Variants in ESR1 observed in about 807,000 individuals in gnomAD.
ESR1 encodes the protein estrogen receptor.
Under a neutral mutation model 52.7 loss-of-function variants are expected in ESR1, and 12 were observed. That is an observed-to-expected ratio of 0.23 (90% confidence interval 0.15 to 0.37). The LOEUF (loss-of-function observed/expected upper bound fraction) is 0.37, where lower values mean the gene tolerates loss of function less well. Ranked by LOEUF, ESR1 falls within the 10% of genes least tolerant of loss-of-function variation. The pLI is 1.00. For synonymous variants in ESR1, 305 were observed against 316.8 expected (o/e 0.96, Z 0.39); for missense variants, 584 against 779.7 (o/e 0.75, Z 2.99).
intron 5 of ESR1, among the ~76,000 whole-genome samples, chr6:152,012,634 C>T (rs1301858576): frequency 1.3e-5 from 2 of 152,182 alleles, no homozygotes; most frequent in Non-Finnish European, 1.5e-5. Flanking sequence ...CTCCGGTATG[C>T]TCTGTTACCT....
At chr6:152,054,330 T>C (rs181765384) in intron 5 of ESR1, among the ~76,000 whole-genome samples, 71 of 152,318 alleles carry the variant, frequency 4.7e-4, no homozygotes, top group African/African-American at 1.5e-3. Context: ...GAGGAGTCTT[T>C]AAATCCTTCC....
At chr6:151,716,257 G>A (rs1177957982) in intron 2 of ESR1, among the ~76,000 whole-genome samples, 1 of 152,152 alleles carries the variant, frequency 6.6e-6, no homozygotes, top group East Asian at 1.9e-4. Flanking sequence ...CCTGTATGAG[G>A]TGTCTGTCAA....
At chr6:151,745,609 G>T (rs994193047) in intron 2 of ESR1, among the ~76,000 whole-genome samples, 14 of 152,062 alleles carry the variant, frequency 9.2e-5, no homozygotes, top group Non-Finnish European at 1.5e-4. Flanking sequence ...CTAAGACTTT[G>T]TTGGTAAGTT....
chr6:152,076,538 G>T (rs1398206005), intron 6 of ESR1, among the ~76,000 whole-genome samples: 2 of 152,332 alleles, frequency 1.3e-5, no homozygotes, highest in African/African-American at 2.4e-5. Flanking sequence ...TCAGGGAGAG[G>T]TTGGAGCAGT....
At chr6:151,812,579 C>T (rs1291166762) in intron 1 of ESR1, among the ~76,000 whole-genome samples, 3 of 152,132 alleles carry the variant, frequency 2.0e-5, no homozygotes, top group African/African-American at 7.2e-5. Context: ...AATCCGTACT[C>T]AGCATGAAAT....
intron 6 of ESR1, among the ~76,000 whole-genome samples, chr6:152,086,731 C>G (rs774643173): frequency 1.3e-4 from 20 of 152,064 alleles, no homozygotes; most frequent in Non-Finnish European, 2.5e-4. Context: ...ACCAAATGAA[C>G]AGCACTGCCA....
chr6:151,814,108 C>T (rs1227580691), intron 1 of ESR1: 1 of 152,278 alleles, frequency 6.6e-6, no homozygotes, highest in Non-Finnish European at 1.5e-5. Flanking sequence ...GGGGCCCCAG[C>T]AGCCAACTTG....
chr6:152,087,069 G>A (rs893251625), intron 6 of ESR1, among the ~76,000 whole-genome samples: 5 of 152,128 alleles, frequency 3.3e-5, no homozygotes, highest in Non-Finnish European at 5.9e-5. Context: ...TTAATGTTGA[G>A]GGCTTTATCA....
chr6:152,035,756 A>C (rs2982710), intron 5 of ESR1, among the ~76,000 whole-genome samples: 66,824 of 151,950 alleles, frequency 0.44, 16,644 homozygotes, highest in African/African-American at 0.67. Context: ...CAGAAACCAA[A>C]CTCTACATTT....
intron 6 of ESR1, among the ~76,000 whole-genome samples, chr6:152,093,701 C>T (rs1486463300): frequency 1.3e-5 from 2 of 152,148 alleles, no homozygotes; most frequent in East Asian, 3.9e-4. Flanking sequence ...CAGCGGTTTT[C>T]AAGTGGCCTA....
At chr6:151,775,745 CAAAAA>C (rs397954103) in intron 2 of ESR1, among the ~76,000 whole-genome samples, 1 of 77,360 alleles carries the variant, frequency 1.3e-5, no homozygotes. Flanking sequence ...GACTCCGTCT[CAAAAA>C]AAAAAAAAAA....
intron 1 of ESR1, among the ~76,000 whole-genome samples, chr6:151,825,005 T>C (rs1781250106): frequency 2.0e-5 from 3 of 152,210 alleles, no homozygotes; most frequent in Non-Finnish European, 4.4e-5. Flanking sequence ...ATGAGTATTA[T>C]AAAAATAGCA....
chr6:152,053,556 CTT>C lies in ESR1; in HGVS notation c.1236-7433_1236-7432del, dbSNP rs1287704960. On this transcript the variant is annotated intron_variant, in intron 5 of 7. Transcript: ENST00000206249. The surrounding 1 kb of genome is among the most constrained non-coding windows in gnomAD (Gnocchi z 4.1). The stretch of plus-strand genomic sequence containing the variant: ...TCTCTTCCTCTCTCTCTTATCCTCT[CTT>C]TCTCTCAATCCCTCTCTCCCTCTTT... Among the ~76,000 whole-genome samples, 1 of 151,712 alleles carries C rather than the reference CTT, an allele frequency of 6.6e-6. No individual in the cohort carries two copies. Among genetic ancestry groups the C allele is most frequent in the African/African-American group, 2.4e-5 (1 of 41,276 alleles).
chr6:151,701,161 A>G (rs534680603), intron 1 of ESR1, among the ~76,000 whole-genome samples: 104 of 151,758 alleles, frequency 6.9e-4, no homozygotes, highest in Middle Eastern at 6.9e-3. Context: ...CAGCCACAGC[A>G]GGTTTTGTTC....
At chr6:151,945,659 C>T (rs1448621253) in intron 4 of ESR1, among the ~76,000 whole-genome samples, 1 of 152,178 alleles carries the variant, frequency 6.6e-6, no homozygotes, top group East Asian at 1.9e-4. Context: ...TGGAGGTTTT[C>T]TCATTTGGTT....
intron 5 of ESR1, among the ~76,000 whole-genome samples, chr6:152,054,767 C>G (rs2046967639): frequency 6.6e-6 from 1 of 152,186 alleles, no homozygotes; most frequent in South Asian, 2.1e-4. Flanking sequence ...CTTGGCCTTT[C>G]CAGTACCATT....
intron 4 of ESR1, among the ~76,000 whole-genome samples, chr6:151,958,043 A>T (rs2037202111): frequency 6.6e-6 from 1 of 152,222 alleles, no homozygotes; most frequent in African/African-American, 2.4e-5. Flanking sequence ...TCAGAACTTC[A>T]GATACATCTG....
At position 151,807,765 on chromosome 6, in the gene ESR1, A is replaced by G. The variant is rs1778117929; in HGVS notation, c.-148A>G. On this transcript the variant is annotated 5_prime_UTR_variant, in exon 1 of 8. Transcript: ENST00000206249. ...CACCGGACCCGCAGGCTCCCGGGGC[A>G]GGGCCGGGGCCAGAGCTCGCGTGTC... 3 of 799,762 alleles carry G rather than the reference A, an allele frequency of 3.8e-6. No homozygotes were observed. Among genetic ancestry groups the G allele is most frequent in the African/African-American group, 1.7e-5 (1 of 58,934 alleles). The allele number at this position is 799,762 out of a possible 1,614,324, so 49.5% of individuals were successfully genotyped here. A position where few individuals can be genotyped will look rare whatever the true frequency, so the allele number is the denominator to read the frequency against.
intron 1 of ESR1, among the ~76,000 whole-genome samples, chr6:151,820,522 G>T (rs12523805): frequency 0.069 from 10,570 of 152,098 alleles, 834 homozygotes; most frequent in African/African-American, 0.17. Flanking sequence ...GAAGTGACTT[G>T]CCCAAGGTCA....
Sources: allele counts gnomAD v4.1 joint callset (sites outside exome capture counted in the v4.1 genomes callset), GRCh38; gene constraint gnomAD v4.1.1; non-coding constraint Gnocchi (gnomAD v3.1); transcripts MANE v1.5; gene names NCBI Gene and HGNC (gene_info 2026-07-23, HGNC 2026-07-21).